VPS53: variants seen among roughly 807,000 people sequenced by gnomAD.
VPS53 encodes the protein vacuolar protein sorting-associated protein 53 homolog.
Under a neutral mutation model 107.0 loss-of-function variants are expected in VPS53, and 70 were observed. The observed-to-expected ratio is 0.65, with a 90% CI of 0.54 to 0.80. The LOEUF is 0.80. Ranked by LOEUF, VPS53 falls within the 30% of genes least tolerant of loss-of-function variation. VPS53 has a pLI of 0.00. For synonymous variants in VPS53, 409 were observed against 393.3 expected (o/e 1.04, Z -0.47); for missense variants, 917 against 1,049.4 (o/e 0.87, Z 1.74).
In VPS53 at chr17:643,209, T is replaced by C. The variant is rs372293931; in HGVS notation, c.608+10082A>G. 8.9e-3 allele frequency among the ~76,000 whole-genome samples: 115 copies of C among 12,882 alleles called. 6 individuals are homozygous for C. The highest frequency in any genetic ancestry group is 0.023 in the African/African-American group (46 of 1,990). The allele number at this position is 12,882 out of a possible 152,430, so 8.5% of individuals were successfully genotyped here. ...GAGGACAACACTCATACTTGGCAACTGAGGACAACACTCATACTTGGAAAC... is the reference window on the plus strand; with the variant it reads ...GAGGACAACACTCATACTTGGCAACCGAGGACAACACTCATACTTGGAAAC... On this transcript the variant is annotated intron_variant, in intron 7 of 21. Coordinates refer to ENST00000437048, the MANE Select transcript of VPS53 (RefSeq NM_001128159.3).
chr17:555,226 T>C (rs1187211959), intron 15 of VPS53, among the ~76,000 whole-genome samples: 1 of 152,258 alleles, frequency 6.6e-6, no homozygotes, highest in East Asian at 1.9e-4. Flanking sequence ...TCAGTTACAC[T>C]GGCCTTTTAA....
At chr17:592,373 G>A (rs1047376743) in intron 12 of VPS53, among the ~76,000 whole-genome samples, 8 of 152,074 alleles carry the variant, frequency 5.3e-5, no homozygotes, top group African/African-American at 1.9e-4. Context: ...TTTAATTGGA[G>A]CATTTAGTCC....
chr17:642,243 A>C (rs1199438157), intron 7 of VPS53, among the ~76,000 whole-genome samples: 1 of 152,254 alleles, frequency 6.6e-6, no homozygotes, highest in Non-Finnish European at 1.5e-5. Context: ...TAGAATCTTG[A>C]GTGACCCCAT....
At chr17:688,968 C>A (rs1277591417) in intron 4 of VPS53, among the ~76,000 whole-genome samples, 1 of 152,190 alleles carries the variant, frequency 6.6e-6, no homozygotes, top group Non-Finnish European at 1.5e-5. Flanking sequence ...CAAAAAATGT[C>A]CAGCCAATCT....
At position 509,270 on chromosome 17, in the gene VPS53, C is replaced by T. The variant is rs2151779971; in HGVS notation, c.*9858G>A. The T allele has an allele frequency of 6.5e-6, 1 of 153,970 alleles. No homozygotes were observed. The highest frequency in any genetic ancestry group is 6.6e-5 in the Admixed American group (1 of 15,214). The allele number at this position is 153,970 out of a possible 1,614,324, so 9.5% of individuals were successfully genotyped here. ...ACATATCAAATCCTGGCTGGCTCAC[C>T]CCTTACTAGCCACATATCAAATCCT... is the stretch of plus-strand genomic sequence containing the variant. On this transcript the variant is annotated 3_prime_UTR_variant, in exon 22 of 22. Coordinates refer to ENST00000437048, the MANE Select transcript of VPS53 (RefSeq NM_001128159.3).
In VPS53 at chr17:516,027, C is replaced by T. The variant is rs1478745773; in HGVS notation, c.*3101G>A. On this transcript the variant is annotated 3_prime_UTR_variant, in exon 22 of 22. Transcript: ENST00000437048. ...CCATGTTGGCCAGGCTGGTCTCAAA[C>T]TCGTGACCTCATGTGATCCGCCCAC... is the stretch of plus-strand genomic sequence containing the variant. The T allele has an allele frequency of 2.1e-5, 3 of 141,370 alleles. No homozygotes were observed. Among genetic ancestry groups the T allele is most frequent in the Non-Finnish European group, 4.5e-5 (3 of 66,784 alleles). 8.8% of individuals were successfully genotyped at this position (141,370 alleles called of 1,614,324 possible). A position where few individuals can be genotyped will look rare whatever the true frequency, so the allele number is the denominator to read the frequency against.
chr17:676,687 G>C (rs1023379114), intron 4 of VPS53, among the ~76,000 whole-genome samples: 9 of 152,138 alleles, frequency 5.9e-5, no homozygotes, highest in Admixed American at 3.3e-4. Flanking sequence ...TGGCTCAGAA[G>C]AACAATAAAC....
chr17:546,329 T>TCTCA (rs1555549994), intron 17 of VPS53, among the ~76,000 whole-genome samples: 98 of 131,978 alleles, frequency 7.4e-4, no homozygotes, highest in Non-Finnish European at 1.2e-3. Context: ...CTTAGATATC[T>TCTCA]CACACACACA....
intron 4 of VPS53, among the ~76,000 whole-genome samples, chr17:694,313 G>C (rs1047072985): frequency 1.3e-5 from 2 of 152,200 alleles, no homozygotes; most frequent in African/African-American, 4.8e-5. Flanking sequence ...AATACGGGAT[G>C]GGGGAGAACG....
Position 554,311 on chromosome 17 carries a change from G to A in VPS53, c.1705-849C>T, listed in dbSNP as rs138588613. ...CTCCTGGCGCTCAAAGAAAAATAAC[G>A]GGACCAAGACTTGTAAATACTTGGA... On this transcript the variant is annotated intron_variant, in intron 15 of 21. Transcript: ENST00000437048. Among the ~76,000 whole-genome samples, 788 of 152,294 alleles carry A rather than the reference G, an allele frequency of 5.2e-3. 4 individuals are homozygous for A. Among genetic ancestry groups the A allele is most frequent in the African/African-American group, 0.018 (734 of 41,552 alleles).
intron 7 of VPS53, among the ~76,000 whole-genome samples, chr17:633,211 A>T (rs1970034886): frequency 6.6e-6 from 1 of 152,152 alleles, no homozygotes; most frequent in Non-Finnish European, 1.5e-5. Context: ...CACGTCCCGC[A>T]ATCGATCACG....
intron 18 of VPS53, among the ~76,000 whole-genome samples, chr17:533,389 G>A (rs1236385414): frequency 1.3e-5 from 2 of 152,156 alleles, no homozygotes; most frequent in African/African-American, 4.8e-5. Context: ...GATTACAAGC[G>A]TGAGCCACTG....
intron 7 of VPS53, among the ~76,000 whole-genome samples, chr17:652,452 G>A (rs990218525): frequency 5.3e-5 from 8 of 152,206 alleles, no homozygotes; most frequent in African/African-American, 1.9e-4. Context: ...TGGCAGAAGT[G>A]ATGCTATGAA....
chr17:694,117 T>C (rs778254095), intron 4 of VPS53, among the ~76,000 whole-genome samples: 4 of 152,220 alleles, frequency 2.6e-5, no homozygotes, highest in African/African-American at 7.2e-5. Flanking sequence ...TACAAAGTGC[T>C]GGAAAAGACA....
At chr17:633,500 T>G (rs1002567685) in intron 7 of VPS53, among the ~76,000 whole-genome samples, 1 of 152,254 alleles carries the variant, frequency 6.6e-6, no homozygotes, top group Non-Finnish European at 1.5e-5. Context: ...AAGGAGTGTC[T>G]GGCAACCTGC....
intron 4 of VPS53, among the ~76,000 whole-genome samples, chr17:696,180 G>A (rs914880797): frequency 6.6e-6 from 1 of 152,176 alleles, no homozygotes; most frequent in African/African-American, 2.4e-5. Context: ...TCACAAACAG[G>A]CCAAAGGAAA....
chr17:706,793 G>A (rs1291941281), intron 2 of VPS53, among the ~76,000 whole-genome samples: 3 of 152,170 alleles, frequency 2.0e-5, no homozygotes, highest in South Asian at 2.1e-4. Flanking sequence ...CAAACTGCAT[G>A]ACTTTGGTCC....
chr17:627,378 A>C lies in VPS53; in HGVS notation c.832-62T>G, dbSNP rs1032505345. The C allele has an allele frequency of 9.1e-6, 14 of 1,537,202 alleles. No homozygotes were observed. In the African/African-American group the frequency reaches 1.7e-4, roughly 18 times the overall value. Reference sequence around the variant, plus strand: ...TAGAAGTAGAAATGGCAGTTCAAGGAAACAAGCAAAAACACAGAGCCAAGC... The same window carrying C: ...TAGAAGTAGAAATGGCAGTTCAAGGCAACAAGCAAAAACACAGAGCCAAGC... On this transcript the variant is annotated intron_variant, in intron 9 of 21. Transcript: ENST00000437048.
At chr17:690,272 ACT>A (rs1040891131) in intron 4 of VPS53, among the ~76,000 whole-genome samples, 3 of 152,158 alleles carry the variant, frequency 2.0e-5, no homozygotes, top group South Asian at 2.1e-4. Flanking sequence ...AATTTCAAAG[ACT>A]CTCTTGCACA....
Sources: gnomAD v4.1 joint callset for allele counts (sites outside exome capture counted in the v4.1 genomes callset) on GRCh38, gnomAD v4.1.1 for gene constraint, MANE v1.5 for transcripts, NCBI Gene and HGNC (gene_info 2026-07-23, HGNC 2026-07-21) for gene names.